The following SLC5A6 variants were observed in gnomAD, a reference collection of about 807,000 sequenced individuals.
The protein encoded by SLC5A6 is solute carrier family 5 member 6.
A neutral mutation model predicts 67.9 loss-of-function variants in SLC5A6; 31 were observed. The ratio of observed to expected loss-of-function variants is 0.46; its 90% CI spans 0.34 to 0.62. The LOEUF (loss-of-function observed/expected upper bound fraction) is 0.62. SLC5A6 is among the 20% of genes least tolerant of loss of function. SLC5A6 has a pLI of 0.01. For synonymous variants in SLC5A6, 343 were observed against 331.0 expected (o/e 1.04, Z -0.39); for missense variants, 673 against 812.8 (o/e 0.83, Z 2.09).
At chr2:27,202,141 AAGCATAGCCACC>A in intron 12 of SLC5A6, 67 bp from the exon 13 acceptor site, 15 of 1,103,992 alleles carry the variant, frequency 1.4e-5, no homozygotes, top group Non-Finnish European at 1.9e-5. Context: ...ACTCACCATA[AAGCATAGCCACC>A]AGCCATGACC....
Position 27,212,196 on chromosome 2 carries a change from T to C in SLC5A6, c.-384A>G. On this transcript the variant is annotated 5_prime_UTR_variant, in exon 1 of 17. Transcript: ENST00000310574. ...TCGGCCAGTATCCCCGAAAGAGGGC[T>C]AGGGCGCATGAAGACCAGCGCAGAG... The C allele has an allele frequency of 5.8e-6, 9 of 1,552,004 alleles. No homozygotes were observed. The highest frequency in any genetic ancestry group is 7.8e-6 in the Non-Finnish European group (9 of 1,148,422).
intron 11 of SLC5A6, 22 bp from the exon 12 acceptor site, chr2:27,202,902 G>C (rs749470472): frequency 6.2e-7 from 1 of 1,611,472 alleles, no homozygotes; most frequent in East Asian, 2.2e-5. Context: ...GGACAGGAGA[G>C]GAAACAAGAA....
At chr2:27,212,584 C>A, upstream of SLC5A6, 2 of 1,459,128 alleles carry the variant, frequency 1.4e-6, no homozygotes, top group Non-Finnish European at 1.8e-6. Flanking sequence ...TCGTCCCTGA[C>A]GCTTCCCGAC....
At chr2:27,212,333 G>A, upstream of SLC5A6, 1 of 1,549,418 alleles carries the variant, frequency 6.5e-7, no homozygotes, top group Non-Finnish European at 8.7e-7. Flanking sequence ...CGCGGGGCCG[G>A]GTCGCGCGAG....
At chr2:27,203,033 C>T in intron 11 of SLC5A6, 153 bp from the exon 12 acceptor site, 1 of 1,501,358 alleles carries the variant, frequency 6.7e-7, no homozygotes, top group East Asian at 2.4e-5. Flanking sequence ...CCCACCAAGT[C>T]CTCACTCCTA....
At position 27,204,886 on chromosome 2, in the gene SLC5A6, G is replaced by A. The variant is rs1384188924; in HGVS notation, c.780C>T (p.Ala260=). ...AGAGCATCATGAAGACACCCCCGAA[G>A]GCCAAGGTCCAGAAGGTGTGCCGCA... is the stretch of plus-strand genomic sequence containing the variant. ...PFVRHTFWTL[A]FGGVFMMLSL... Residue 260 remains alanine, a synonymous_variant, in exon 8 of 17, where the codon GCC becomes GCT. Transcript: ENST00000310574. 1.2e-6 allele frequency: 2 copies of A among 1,613,968 alleles called. No homozygotes were observed. The highest frequency in any genetic ancestry group is 1.3e-5 in the African/African-American group (1 of 74,896).
At chr2:27,210,429 C>A (rs1215088788) in intron 2 of SLC5A6, among the ~76,000 whole-genome samples, 8 of 98,502 alleles carry the variant, frequency 8.1e-5, no homozygotes, top group Non-Finnish European at 1.3e-4. Flanking sequence ...GATTGTGGGA[C>A]CCCCCCCCCT....
rs1305012182 is a variant in SLC5A6, at chr2:27,201,649, A to G, written c.1544+17T>C. 2 of 1,610,918 alleles carry G rather than the reference A, an allele frequency of 1.2e-6. No individual in the cohort carries two copies. Among genetic ancestry groups the G allele is most frequent in the Non-Finnish European group, 1.7e-6 (2 of 1,177,618 alleles). ...GAGGGCTTTGAGAAAACAAGAAGAT[A>G]GCAAGCCCTGCCTTACTTGGAGAAG... On this transcript the variant is annotated intron_variant, in intron 14 of 16. Transcript: ENST00000310574.
At position 27,202,892 on chromosome 2, in the gene SLC5A6, G is replaced by C. The variant is rs756444367; in HGVS notation, c.1208-12C>G. On this transcript the variant is annotated splice_polypyrimidine_tract_variant and intron_variant, in intron 11 of 16. Coordinates refer to ENST00000310574, the MANE Select transcript of SLC5A6 (RefSeq NM_021095.4). ...CCCATAGCCAAAGGCTGGGGGAAAA[G>C]GACAGGAGAGGAAACAAGAAGGTGT... is the stretch of plus-strand genomic sequence containing the variant. 6.2e-7 allele frequency: 1 copy of C among 1,612,524 alleles called. No individual in the cohort carries two copies. Among genetic ancestry groups the C allele is most frequent in the East Asian group, 2.2e-5 (1 of 44,874 alleles).
At position 27,199,589 on chromosome 2, in the gene SLC5A6, C is replaced by G. The variant is rs921007019; in HGVS notation, c.*847G>C. ...TGAAGACAGTACAGGAGCCCAAATT[C>G]TAGGTCCAATGGTAGTTTTTATTCC... is the stretch of plus-strand genomic sequence containing the variant. On this transcript the variant is annotated 3_prime_UTR_variant, in exon 17 of 17. Transcript: ENST00000310574. 5 of 152,506 alleles carry G rather than the reference C, an allele frequency of 3.3e-5. No individual in the cohort carries two copies. The highest frequency in any genetic ancestry group is 1.2e-4 in the African/African-American group (5 of 41,550). The allele number at this position is 152,506 out of a possible 1,614,324, so 9.4% of individuals were successfully genotyped here. A position where few individuals can be genotyped will look rare whatever the true frequency, so the allele number is the denominator to read the frequency against.
At chr2:27,211,976 T>TGCCCGCCCCCTGCCCGCCCCCA in intron 1 of SLC5A6, 44 bp downstream of exon 1, 1 of 415,020 alleles carries the variant, frequency 2.4e-6, no homozygotes, top group Non-Finnish European at 4.1e-6. Context: ...CCCCGCCCCC[T>TGCCCGCCCCCTGCCCGCCCCCA]GCCCGCCCCC....
chr2:27,212,321 G>GT, upstream of SLC5A6: 1 of 1,549,286 alleles, frequency 6.5e-7, no homozygotes, highest in South Asian at 1.2e-5. Flanking sequence ...GCGGGGCGGG[G>GT]CCGCGGGGCC....
chr2:27,203,682 G>T (rs971837235), intron 10 of SLC5A6, 97 bp downstream of exon 10: 1 of 902,044 alleles, frequency 1.1e-6, no homozygotes, highest in East Asian at 2.5e-5. Flanking sequence ...GAAACTTAGA[G>T]GGATTCCCCA....
intron 15 of SLC5A6, 87 bp from the exon 16 acceptor site, chr2:27,201,200 G>T: frequency 1.0e-6 from 1 of 972,640 alleles, no homozygotes; most frequent in Non-Finnish European, 1.6e-6. Flanking sequence ...AGAGACCCCA[G>T]CCCCCACCCA....
rs950369577 is a variant in SLC5A6 at position 27,202,883 on chromosome 2, G to A, written c.1208-3C>T. Reference sequence around the variant, plus strand: ...ACAAAGCAGCCCATAGCCAAAGGCTGGGGGAAAAGGACAGGAGAGGAAACA... The same window carrying A: ...ACAAAGCAGCCCATAGCCAAAGGCTAGGGGAAAAGGACAGGAGAGGAAACA... On this transcript the variant is annotated splice_polypyrimidine_tract_variant and splice_region_variant and intron_variant, in intron 11 of 16. Coordinates refer to ENST00000310574, the MANE Select transcript of SLC5A6 (RefSeq NM_021095.4). 3.1e-6 allele frequency: 5 copies of A among 1,613,540 alleles called. No individual in the cohort carries two copies. The highest frequency in any genetic ancestry group is 4.2e-6 in the Non-Finnish European group (5 of 1,179,750).
chr2:27,210,040 T>C (rs1260728401), intron 2 of SLC5A6, among the ~76,000 whole-genome samples: 2 of 152,198 alleles, frequency 1.3e-5, no homozygotes, highest in African/African-American at 4.8e-5. Context: ...AGGTCTCCTG[T>C]GTGCAAAGAA....
At chr2:27,212,647 GC>G, upstream of SLC5A6, 2 of 1,398,736 alleles carry the variant, frequency 1.4e-6, no homozygotes, top group Middle Eastern at 2.6e-4. Flanking sequence ...GGCCTTCGGC[GC>G]CCCAGTCCTG....
chr2:27,200,299 G>C lies in SLC5A6; in HGVS notation c.*137C>G, dbSNP rs1031704368. ...TTCTCCTGCAGGCAAGAACCTCTCA[G>C]AACAAGGTCCTTTGGTATGAGCTAG... On this transcript the variant is annotated 3_prime_UTR_variant, in exon 17 of 17. Coordinates refer to ENST00000310574, the MANE Select transcript of SLC5A6 (RefSeq NM_021095.4). The C allele has an allele frequency of 3.1e-5, 25 of 807,778 alleles. No homozygotes were observed. The highest frequency in any genetic ancestry group is 4.6e-5 in the Non-Finnish European group (25 of 542,858). The allele number at this position is 807,778 out of a possible 1,614,324, so 50.0% of individuals were successfully genotyped here. A position where few individuals can be genotyped will look rare whatever the true frequency, so the allele number is the denominator to read the frequency against.
Position 27,207,771 on chromosome 2 carries a change from G to T in SLC5A6, c.-121C>A. ...CAGTCTCACAGTCTTCCTCCACGGA[G>T]TGATACTGTCCAGGGTGAGCTGCAA... On this transcript the variant is annotated 5_prime_UTR_variant, in exon 3 of 17. Transcript: ENST00000310574. This position sits in a 1 kb window ranked among gnomAD's most constrained non-coding sequence, Gnocchi z 5.5. 2.2e-6 allele frequency: 2 copies of T among 914,220 alleles called. No individual in the cohort carries two copies. The highest frequency in any genetic ancestry group is 1.7e-5 in the South Asian group (1 of 60,202). 56.6% of individuals were successfully genotyped at this position (914,220 alleles called of 1,614,324 possible).
Sources: gnomAD v4.1 joint callset for allele counts (sites outside exome capture counted in the v4.1 genomes callset) on GRCh38, gnomAD v4.1.1 for gene constraint, Gnocchi (gnomAD v3.1) non-coding constraint, MANE v1.5 for transcripts, NCBI Gene and HGNC (gene_info 2026-07-23, HGNC 2026-07-21) for gene names.